The following POFUT3 variants were observed in gnomAD, a reference collection of about 807,000 sequenced individuals.
POFUT3 encodes GDP-fucose protein O-fucosyltransferase 3.
the POFUT3 span, among the ~76,000 whole-genome samples, chr8:33,443,966 C>CTT: frequency 0.044 from 5,915 of 133,714 alleles, 357 homozygotes; most frequent in African/African-American, 0.14. Context: ...TTTCTACAAG[C>CTT]TTTTTTTTTT....
the POFUT3 span, among the ~76,000 whole-genome samples, chr8:33,423,957 G>A: frequency 4.6e-5 from 7 of 151,690 alleles, no homozygotes; most frequent in Non-Finnish European, 8.8e-5. Context: ...TGGCCAACAT[G>A]GTGAAACCCT....
chr8:33,469,931 G>A, the POFUT3 span, among the ~76,000 whole-genome samples: 1 of 151,170 alleles, frequency 6.6e-6, no homozygotes, highest in Admixed American at 6.6e-5. Flanking sequence ...GAGTAGCTGG[G>A]ATTACAGGTG....
the POFUT3 span, among the ~76,000 whole-genome samples, chr8:33,395,528 C>G: frequency 2.6e-5 from 4 of 152,006 alleles, no homozygotes; most frequent in Non-Finnish European, 5.9e-5. Flanking sequence ...TTCCAGCTCC[C>G]CATCCCACTG....
chr8:33,319,179 TATAAA>T, the POFUT3 span, among the ~76,000 whole-genome samples: 351 of 16,064 alleles, frequency 0.022, 52 homozygotes, highest in East Asian at 0.082. Context: ...TTATATATTA[TATAAA>T]ATATATTTAT....
At chr8:33,384,819 TA>T in the POFUT3 span, among the ~76,000 whole-genome samples, 2 of 151,522 alleles carry the variant, frequency 1.3e-5, no homozygotes, top group African/African-American at 4.9e-5. Context: ...AGAATCTGTC[TA>T]AAAAAAACAA....
At chr8:33,415,787 T>C in the POFUT3 span, among the ~76,000 whole-genome samples, 1 of 152,190 alleles carries the variant, frequency 6.6e-6, no homozygotes, top group African/African-American at 2.4e-5. Flanking sequence ...CTTCAGAAAC[T>C]GAGCAGCCCA....
At chr8:33,470,567 A>G in the POFUT3 span, among the ~76,000 whole-genome samples, 16 of 152,212 alleles carry the variant, frequency 1.1e-4, no homozygotes, top group African/African-American at 3.6e-4. Context: ...AGTATTAGTA[A>G]CTATTCTTCC....
At chr8:33,432,967 C>T in the POFUT3 span, among the ~76,000 whole-genome samples, 13 of 152,278 alleles carry the variant, frequency 8.5e-5, no homozygotes, top group Admixed American at 3.9e-4. Context: ...GGCACAGTGA[C>T]TCACACCTGT....
At chr8:33,357,685 A>C in the POFUT3 span, among the ~76,000 whole-genome samples, 1 of 151,740 alleles carries the variant, frequency 6.6e-6, no homozygotes, top group Middle Eastern at 3.2e-3. Context: ...TTTGTTGTGC[A>C]TGCACATACA....
the POFUT3 span, among the ~76,000 whole-genome samples, chr8:33,344,224 T>A: frequency 2.6e-5 from 4 of 152,172 alleles, no homozygotes; most frequent in Non-Finnish European, 5.9e-5. Context: ...ATGTCAAGTC[T>A]GGATACGCTT....
At chr8:33,415,107 C>A in the POFUT3 span, among the ~76,000 whole-genome samples, 1 of 151,890 alleles carries the variant, frequency 6.6e-6, no homozygotes, top group Non-Finnish European at 1.5e-5. Flanking sequence ...ACAAAAAATA[C>A]AAAAACTAGC....
At chr8:33,402,697 T>TA in the POFUT3 span, among the ~76,000 whole-genome samples, 1 of 152,160 alleles carries the variant, frequency 6.6e-6, no homozygotes, top group Non-Finnish European at 1.5e-5. Flanking sequence ...CCGATGGCAG[T>TA]AAAAAAAGAA....
the POFUT3 span, among the ~76,000 whole-genome samples, chr8:33,360,019 CCAAA>C: frequency 2.0e-5 from 3 of 148,264 alleles, no homozygotes; most frequent in South Asian, 2.2e-4. Context: ...AAAAACCAAA[CCAAA>C]CAAACAAACA....
the POFUT3 span, among the ~76,000 whole-genome samples, chr8:33,448,927 C>G: frequency 6.6e-6 from 1 of 151,808 alleles, no homozygotes; most frequent in East Asian, 1.9e-4. Context: ...GAATGAGACT[C>G]CATCTTAAAA....
At chr8:33,388,895 AT>A in the POFUT3 span, 6 of 1,240,838 alleles carry the variant, frequency 4.8e-6, no homozygotes, top group Non-Finnish European at 7.1e-6. Flanking sequence ...ACAGAAGGAA[AT>A]GCAGGAGAGC....
the POFUT3 span, among the ~76,000 whole-genome samples, chr8:33,422,106 T>G: frequency 4.6e-5 from 7 of 152,084 alleles, no homozygotes; most frequent in Non-Finnish European, 1.0e-4. Flanking sequence ...GAATGTATTT[T>G]CTTCCTCAGC....
chr8:33,470,565 T>G, the POFUT3 span, among the ~76,000 whole-genome samples: 1 of 152,208 alleles, frequency 6.6e-6, no homozygotes, highest in Non-Finnish European at 1.5e-5. Flanking sequence ...TAAGTATTAG[T>G]AACTATTCTT....
chr8:33,341,254 G>A, the POFUT3 span, among the ~76,000 whole-genome samples: 3 of 151,910 alleles, frequency 2.0e-5, no homozygotes, highest in Non-Finnish European at 4.4e-5. Flanking sequence ...AGCCAACATA[G>A]TGAAACCCTG....
chr8:33,438,716 G>A, the POFUT3 span, among the ~76,000 whole-genome samples: 2 of 152,184 alleles, frequency 1.3e-5, no homozygotes, highest in Admixed American at 6.5e-5. Flanking sequence ...CAATCGTGGT[G>A]GAAGGCGAAA....
Sources: gnomAD v4.1 joint callset for allele counts (sites outside exome capture counted in the v4.1 genomes callset) on GRCh38, gnomAD v4.1.1 for gene constraint, MANE v1.5 for transcripts, NCBI Gene and HGNC (gene_info 2026-07-23, HGNC 2026-07-21) for gene names.